The following PRKN variants were observed in gnomAD, a reference collection of about 807,000 sequenced individuals.
The protein encoded by PRKN is E3 ubiquitin-protein ligase parkin.
Under a neutral mutation model 59.5 loss-of-function variants are expected in PRKN, and 56 were observed. The observed-to-expected ratio is 0.94, with a 90% CI of 0.76 to 1.18. The LOEUF (loss-of-function observed/expected upper bound fraction) is 1.18, where lower values mean the gene tolerates loss of function less well. Among genes scored for constraint, PRKN ranks in the 50% most tolerant of loss-of-function variants. The probability of loss-of-function intolerance (pLI) is 0.00; values close to 1 mark genes in which losing one functional copy is unlikely to be tolerated. For missense variants in PRKN, 657 were observed against 596.4 expected (o/e 1.10, Z -1.06); for synonymous variants, 250 against 222.1 (o/e 1.13, Z -1.12).
At chr6:161,655,405 C>T (rs1397574968) in intron 7 of PRKN, among the ~76,000 whole-genome samples, 4 of 151,858 alleles carry the variant, frequency 2.6e-5, no homozygotes, top group African/African-American at 9.7e-5. Flanking sequence ...CAGAGGCGTT[C>T]CTGGGCCCAC....
intron 4 of PRKN, 131 bp from the exon 5 acceptor site, chr6:162,054,305 C>T (rs1275966851): frequency 2.7e-6 from 2 of 730,574 alleles, no homozygotes; most frequent in East Asian, 5.4e-5. Flanking sequence ...AAAGTGTGGT[C>T]TGCAGACTCT....
At chr6:162,602,751 A>G (rs548416402) in intron 1 of PRKN, among the ~76,000 whole-genome samples, 6 of 152,358 alleles carry the variant, frequency 3.9e-5, no homozygotes, top group Admixed American at 3.3e-4. Flanking sequence ...GTATTTAATC[A>G]TAAGAAAATC....
intron 1 of PRKN, among the ~76,000 whole-genome samples, chr6:162,507,179 A>G (rs1353709249): frequency 6.6e-6 from 1 of 152,160 alleles, no homozygotes; most frequent in Non-Finnish European, 1.5e-5. Flanking sequence ...TCTTCATGCT[A>G]TGATTTCTCA....
intron 6 of PRKN, among the ~76,000 whole-genome samples, chr6:161,851,020 C>T (rs910706909): frequency 2.0e-5 from 3 of 152,152 alleles, no homozygotes; most frequent in African/African-American, 4.8e-5. Flanking sequence ...TTACAAATAA[C>T]GATACTTTAT....
chr6:161,481,805 T>G (rs777146956), intron 9 of PRKN, among the ~76,000 whole-genome samples: 3 of 152,078 alleles, frequency 2.0e-5, no homozygotes, highest in Non-Finnish European at 4.4e-5. Flanking sequence ...CTAGAACACA[T>G]TAGTGAATTG....
At chr6:162,422,954 C>CA (rs61557917) in intron 2 of PRKN, among the ~76,000 whole-genome samples, 12,467 of 64,584 alleles carry the variant, frequency 0.19, 774 homozygotes, top group Middle Eastern at 0.27. Context: ...TCCAAGAGAC[C>CA]AAAAAAAAAA....
intron 1 of PRKN, among the ~76,000 whole-genome samples, chr6:162,506,474 T>C (rs1235025826): frequency 6.6e-6 from 1 of 152,126 alleles, no homozygotes; most frequent in Non-Finnish European, 1.5e-5. Flanking sequence ...TTATAAGAGA[T>C]CTTGGAGAAA....
At chr6:162,722,266 T>C (rs893743740) in intron 1 of PRKN, among the ~76,000 whole-genome samples, 1 of 152,194 alleles carries the variant, frequency 6.6e-6, no homozygotes, top group Non-Finnish European at 1.5e-5. Flanking sequence ...TTCTATTTGG[T>C]GAAAAACAGA....
intron 7 of PRKN, among the ~76,000 whole-genome samples, chr6:161,722,538 T>C (rs1261298413): frequency 6.6e-6 from 1 of 152,194 alleles, no homozygotes; most frequent in East Asian, 1.9e-4. Flanking sequence ...TTTCTTAGGA[T>C]AAATTTCTAA....
chr6:162,712,867 G>A (rs949868592), intron 1 of PRKN, among the ~76,000 whole-genome samples: 3 of 152,110 alleles, frequency 2.0e-5, no homozygotes, highest in African/African-American at 7.2e-5. Context: ...CCATTTTCCA[G>A]GCCTAACAAA....
Position 161,354,493 on chromosome 6 carries a change from C to T in PRKN, c.1286-4282G>A, listed in dbSNP as rs1336671523. On this transcript the variant is annotated intron_variant, in intron 11 of 11. Transcript: ENST00000366898. This position sits in a 1 kb window ranked among gnomAD's most constrained non-coding sequence, Gnocchi z 6.7. ...GAAGGCACATTTGAGGAGAAGCACA[C>T]ACTCAGTCAGGGAATGGAGCCAGAA... 6.6e-6 allele frequency among the ~76,000 whole-genome samples: 1 copy of T among 152,174 alleles called. No homozygotes were observed. The highest frequency in any genetic ancestry group is 2.4e-5 in the African/African-American group (1 of 41,434).
chr6:162,507,250 C>T (rs1273141245), intron 1 of PRKN, among the ~76,000 whole-genome samples: 1 of 152,122 alleles, frequency 6.6e-6, no homozygotes, highest in African/African-American at 2.4e-5. Context: ...CCCTAAGACT[C>T]ATTCTCCCTA....
intron 1 of PRKN, among the ~76,000 whole-genome samples, chr6:162,654,458 C>T (rs1428612123): frequency 1.3e-5 from 2 of 152,128 alleles, no homozygotes; most frequent in Non-Finnish European, 2.9e-5. Flanking sequence ...TTCCCAACCA[C>T]GATTTGTGCC....
At chr6:162,031,892 G>T (rs1783656770) in intron 5 of PRKN, among the ~76,000 whole-genome samples, 1 of 152,188 alleles carries the variant, frequency 6.6e-6, no homozygotes, top group South Asian at 2.1e-4. Flanking sequence ...GCAACAGAAA[G>T]AAATACCATG....
intron 2 of PRKN, among the ~76,000 whole-genome samples, chr6:162,391,292 T>A (rs1451351658): frequency 2.0e-5 from 3 of 151,000 alleles, no homozygotes; most frequent in African/African-American, 4.9e-5. Context: ...GACTTCCTCC[T>A]GGAAGATAAT....
chr6:161,449,587 C>T (rs1428442354), intron 9 of PRKN, among the ~76,000 whole-genome samples: 1 of 152,098 alleles, frequency 6.6e-6, no homozygotes, highest in Non-Finnish European at 1.5e-5. Context: ...AATAAGCTGA[C>T]CCATAAGTGC....
chr6:162,240,600 A>T (rs1391174025), intron 3 of PRKN, among the ~76,000 whole-genome samples: 1 of 152,186 alleles, frequency 6.6e-6, no homozygotes, highest in Non-Finnish European at 1.5e-5. Context: ...TAACAATAAC[A>T]CCATGCAAAG....
In PRKN at chr6:161,413,748, A is replaced by G. The variant is rs1787701246; in HGVS notation, c.1084-26871T>C. Among the ~76,000 whole-genome samples the G allele has an allele frequency of 6.6e-6, 1 of 152,216 alleles. No homozygotes were observed. Among genetic ancestry groups the G allele is most frequent in the Non-Finnish European group, 1.5e-5 (1 of 68,046 alleles). On this transcript the variant is annotated intron_variant, in intron 9 of 11. Coordinates refer to ENST00000366898, the MANE Select transcript of PRKN (RefSeq NM_004562.3). The surrounding 1 kb of genome is among the most constrained non-coding windows in gnomAD (Gnocchi z 4.4). The stretch of plus-strand genomic sequence containing the variant: ...CATGGCCATTCCTGAGAACAAGGAT[A>G]ATGCCACACAAATGAGATGTTCCAG...
intron 2 of PRKN, among the ~76,000 whole-genome samples, chr6:162,435,031 T>A (rs1303998221): frequency 1.3e-5 from 2 of 152,180 alleles, no homozygotes; most frequent in South Asian, 4.1e-4. Flanking sequence ...TCAGATAACA[T>A]CAGGTCAATT....
Sources: allele counts gnomAD v4.1 joint callset (sites outside exome capture counted in the v4.1 genomes callset), GRCh38; gene constraint gnomAD v4.1.1; non-coding constraint Gnocchi (gnomAD v3.1); transcripts MANE v1.5; gene names NCBI Gene and HGNC (gene_info 2026-07-23, HGNC 2026-07-21).